NPFFR1: variants seen among roughly 807,000 people sequenced by gnomAD.
NPFFR1 encodes G-protein coupled receptor 147.
Under a neutral mutation model 12.7 loss-of-function variants are expected in NPFFR1, and 17 were observed. The observed-to-expected ratio is 1.34, with a 90% CI of 0.92 to 2.01. NPFFR1 has a LOEUF of 2.01. Among genes scored for constraint, NPFFR1 ranks in the 30% most tolerant of loss-of-function variants. The pLI is 0.00. For synonymous variants in NPFFR1, 296 were observed against 264.5 expected, an observed-to-expected ratio of 1.12 and a Z score of -1.16; for missense variants, 604 against 606.5, an observed-to-expected ratio of 1.00 and a Z score of 0.04.
chr10:70,280,702 C>T (rs1840851687), intron 1 of NPFFR1, among the ~76,000 whole-genome samples: 1 of 151,956 alleles, frequency 6.6e-6, no homozygotes, highest in Admixed American at 6.6e-5. Context: ...TTTTGTTGTG[C>T]TTATTATAAA....
intron 1 of NPFFR1, among the ~76,000 whole-genome samples, chr10:70,267,441 C>T (rs1379861188): frequency 6.6e-6 from 1 of 152,118 alleles, no homozygotes; most frequent in Non-Finnish European, 1.5e-5. Context: ...TTTAAACCCT[C>T]ATTGAATTAC....
chr10:70,270,729 A>G (rs1346082304), intron 1 of NPFFR1, among the ~76,000 whole-genome samples: 1 of 152,210 alleles, frequency 6.6e-6, no homozygotes, highest in Non-Finnish European at 1.5e-5. Context: ...GCTGCATGCT[A>G]GCAGCCAGAG....
intron 2 of NPFFR1, among the ~76,000 whole-genome samples, chr10:70,265,193 C>G (rs562423655): frequency 2.0e-5 from 3 of 152,160 alleles, no homozygotes; most frequent in East Asian, 1.9e-4. Flanking sequence ...CCCTCTGCCC[C>G]GAGTCAGTGA....
chr10:70,264,201 C>T (rs1488906734), intron 2 of NPFFR1, among the ~76,000 whole-genome samples: 3 of 151,590 alleles, frequency 2.0e-5, no homozygotes, highest in African/African-American at 7.3e-5. Context: ...TGGTGAAACC[C>T]CATCTCTACT....
rs1289837169 is a variant in NPFFR1, at chr10:70,250,664, C to T, written c.*4293G>A. 6.6e-6 allele frequency: 1 copy of T among 152,180 alleles called. No homozygotes were observed. Among genetic ancestry groups the T allele is most frequent in the Non-Finnish European group, 1.5e-5 (1 of 68,032 alleles). The allele number at this position is 152,180 out of a possible 1,614,324, so 9.4% of individuals were successfully genotyped here. A position where few individuals can be genotyped will look rare whatever the true frequency, so the allele number is the denominator to read the frequency against. On this transcript the variant is annotated 3_prime_UTR_variant, in exon 4 of 4. Coordinates refer to ENST00000277942, the MANE Select transcript of NPFFR1 (RefSeq NM_022146.5). ...AGACTCGGCTGCAAACTGTCTGATT[C>T]CATCTACATGACATTCTGAAATCAG...
intron 2 of NPFFR1, among the ~76,000 whole-genome samples, chr10:70,264,009 C>A (rs561151887): frequency 6.6e-6 from 1 of 152,004 alleles, no homozygotes; most frequent in East Asian, 1.9e-4. Flanking sequence ...GACCTGGGCC[C>A]AGGCAGGTTG....
chr10:70,279,395 C>T (rs1410494825), intron 1 of NPFFR1, among the ~76,000 whole-genome samples: 1 of 152,050 alleles, frequency 6.6e-6, no homozygotes, highest in Non-Finnish European at 1.5e-5. Flanking sequence ...GATCCGCCTG[C>T]CTCAGCCTCC....
Position 70,255,800 on chromosome 10 carries a change from G to A in NPFFR1, c.450C>T (p.Arg150=). ...GCGCCTTCCGCAGGGTCAGCTTCTC[G>A]CGGAAAGGGTGCACGATGCAGCGGA... The part of the protein sequence containing the change: ...ERFRCIVHPF[R]EKLTLRKALV... The change falls in exon 4 of 4, where the codon CGC becomes CGT. Residue 150 remains arginine, a synonymous_variant. Coordinates refer to ENST00000277942, the MANE Select transcript of NPFFR1 (RefSeq NM_022146.5). The surrounding 1 kb of genome is among the most constrained non-coding windows in gnomAD (Gnocchi z 4.2). 1 of 1,610,170 alleles carries A rather than the reference G, an allele frequency of 6.2e-7. No homozygotes were observed. The highest frequency in any genetic ancestry group is 8.5e-7 in the Non-Finnish European group (1 of 1,178,388).
At chr10:70,269,966 G>C (rs144629873) in intron 1 of NPFFR1, among the ~76,000 whole-genome samples, 4 of 152,088 alleles carry the variant, frequency 2.6e-5, no homozygotes, top group Non-Finnish European at 5.9e-5. Flanking sequence ...GCCTTTGCTC[G>C]TCCCTTCCTT....
chr10:70,266,467 C>T lies in NPFFR1; in HGVS notation c.8-76G>A, dbSNP rs1371044000. The T allele has an allele frequency of 5.0e-6, 6 of 1,194,782 alleles. No individual in the cohort carries two copies. The African/African-American group carries it at 6.1e-5, about 12-fold the overall frequency. The allele number at this position is 1,194,782 out of a possible 1,614,324, so 74.0% of individuals were successfully genotyped here. The stretch of plus-strand genomic sequence containing the variant: ...CCGATTTCTCACCACTAATGAGACC[C>T]TCTGTGTGCCAAACCTTAACCATGC... On this transcript the variant is annotated intron_variant, in intron 1 of 3. Coordinates refer to ENST00000277942, the MANE Select transcript of NPFFR1 (RefSeq NM_022146.5).
intron 2 of NPFFR1, 115 bp downstream of exon 2, chr10:70,265,962 G>T: frequency 1.0e-6 from 1 of 978,828 alleles, no homozygotes; most frequent in Non-Finnish European, 1.6e-6. Context: ...CCACGGCATG[G>T]CCAAGAGGCC....
At chr10:70,273,562 C>T (rs1370315662) in intron 1 of NPFFR1, among the ~76,000 whole-genome samples, 3 of 152,158 alleles carry the variant, frequency 2.0e-5, no homozygotes, top group Non-Finnish European at 4.4e-5. Context: ...TTGGGCTCAC[C>T]CTGCATCCAT....
At chr10:70,271,205 A>T (rs1007422342) in intron 1 of NPFFR1, among the ~76,000 whole-genome samples, 3 of 152,156 alleles carry the variant, frequency 2.0e-5, no homozygotes, top group African/African-American at 7.2e-5. Context: ...CAAACTCAGC[A>T]TTCTCATATT....
Position 70,255,409 on chromosome 10 carries a change from G to A in NPFFR1, c.841C>T (p.Leu281=), listed in dbSNP as rs1840554786. The A allele has an allele frequency of 6.5e-7, 1 of 1,546,524 alleles. No homozygotes were observed. The highest frequency in any genetic ancestry group is 8.7e-7 in the Non-Finnish European group (1 of 1,147,580). ...AGCGCCCAGAGCGGCAGCCAGGACA[G>A]CGTGAAGAACAGCGCCACCATGACC... ...MLVMVALFFT[L]SWLPLWALLL... The change falls in exon 4 of 4, where the codon CTG becomes TTG. Residue 281 remains leucine, a synonymous_variant. Coordinates refer to ENST00000277942, the MANE Select transcript of NPFFR1 (RefSeq NM_022146.5). This position sits in a 1 kb window ranked among gnomAD's most constrained non-coding sequence, Gnocchi z 4.2.
At chr10:70,272,244 G>GAAAGAAAGAAAGAA (rs60571634) in intron 1 of NPFFR1, among the ~76,000 whole-genome samples, 3 of 64,406 alleles carry the variant, frequency 4.7e-5, no homozygotes, top group Non-Finnish European at 9.2e-5. Flanking sequence ...AAGAAAGAAA[G>GAAAGAAAGAAAGAA]AAGAAAGAAG....
At chr10:70,260,828 G>T in intron 2 of NPFFR1, 89 bp from the exon 3 acceptor site, 1 of 1,143,240 alleles carries the variant, frequency 8.7e-7, no homozygotes, top group Non-Finnish European at 1.3e-6. Flanking sequence ...TCCCCTCTGA[G>T]CTTGGATCTT....
chr10:70,262,001 A>G (rs1840640382), intron 2 of NPFFR1, among the ~76,000 whole-genome samples: 1 of 152,248 alleles, frequency 6.6e-6, no homozygotes, highest in African/African-American at 2.4e-5. Flanking sequence ...AGAGATTAAG[A>G]AAATATATGG....
In NPFFR1 at chr10:70,254,988, A is replaced by C; in HGVS notation, c.1262T>G (p.Leu421Arg). The C allele has an allele frequency of 2.8e-6, 4 of 1,440,922 alleles. No individual in the cohort carries two copies. The Middle Eastern group carries it at 5.6e-4, about 202-fold the overall frequency. The allele number at this position is 1,440,922 out of a possible 1,614,324, so 89.3% of individuals were successfully genotyped here. ...LPREGPGCSH[L>R]PLTIPAWDI ...ATCCCAGGCTGGAATGGTGAGGGGC[A>C]GGTGGGAGCAGCCAGGCCCTTCCCT... The change falls in exon 4 of 4, where the codon CTG becomes CGG. Residue 421 changes from leucine to arginine, a missense_variant. Leu to Arg is a moderately radical substitution (Grantham distance 102). Coordinates refer to ENST00000277942, the MANE Select transcript of NPFFR1 (RefSeq NM_022146.5).
chr10:70,255,197 G>C lies in NPFFR1; in HGVS notation c.1053C>G (p.Arg351=). The C allele has an allele frequency of 1.9e-6, 3 of 1,552,638 alleles. No homozygotes were observed. The highest frequency in any genetic ancestry group is 1.7e-4 in the Middle Eastern group (1 of 5,926). ...AGGCCTCCTTGTGGCTCCCCGACGGGCGCGGGCAGAGGCGGGCGCGGAAGG... is the reference window on the plus strand; with the variant it reads ...AGGCCTCCTTGTGGCTCCCCGACGGCCGCGGGCAGAGGCGGGCGCGGAAGG... ...QAAFRARLCP[R]PSGSHKEAYS... Residue 351 remains arginine (R), a synonymous_variant, in exon 4 of 4, where the codon CGC becomes CGG. Transcript: ENST00000277942. This position sits in a 1 kb window ranked among gnomAD's most constrained non-coding sequence, Gnocchi z 4.2.
Sources: gnomAD v4.1 joint callset for allele counts (sites outside exome capture counted in the v4.1 genomes callset) on GRCh38, gnomAD v4.1.1 for gene constraint, Gnocchi (gnomAD v3.1) non-coding constraint, MANE v1.5 for transcripts, NCBI Gene and HGNC (gene_info 2026-07-23, HGNC 2026-07-21) for gene names.